TRNT1: variants seen among roughly 807,000 people sequenced by gnomAD.
TRNT1 encodes tRNA nucleotidyl transferase 1, also known as CCA tRNA nucleotidyltransferase 1, mitochondrial.
In TRNT1, 44 loss-of-function variants were observed where a neutral mutation model predicts 45.6. That is an observed-to-expected ratio of 0.97 (90% confidence interval 0.76 to 1.24). TRNT1 has a LOEUF of 1.24. Ranked by LOEUF, TRNT1 falls within the 50% of genes most tolerant of loss-of-function variation. The pLI is 0.00. For missense variants in TRNT1, 633 were observed against 504.4 expected, an observed-to-expected ratio of 1.25 and a Z score of -2.44; for synonymous variants, 201 against 171.4, an observed-to-expected ratio of 1.17 and a Z score of -1.35.
chr3:3,150,813 G>C, downstream of TRNT1: 2 of 1,553,510 alleles, frequency 1.3e-6, no homozygotes, highest in Non-Finnish European at 8.8e-7. Context: ...TTCCAAAGCA[G>C]ATCTTAGAAT....
intron 3 of TRNT1, among the ~76,000 whole-genome samples, 189 bp from the exon 4 acceptor site, chr3:3,140,321 A>G (rs1410604153): frequency 6.6e-6 from 1 of 152,058 alleles, no homozygotes. Flanking sequence ...CAGTCTTTTG[A>G]TCTGTTTTTG....
chr3:3,145,663 C>G (rs1705961761), intron 5 of TRNT1: 1 of 152,054 alleles, frequency 6.6e-6, no homozygotes, highest in Admixed American at 6.6e-5. Flanking sequence ...TCATTTTTCA[C>G]TGGTTGGGAT....
chr3:3,152,522 G>C (rs774342557), downstream of TRNT1: 1 of 1,613,880 alleles, frequency 6.2e-7, no homozygotes, highest in East Asian at 2.2e-5. Context: ...CTTATACACA[G>C]TAAGTGTCTC....
At chr3:3,130,097 T>C in intron 2 of TRNT1, 1 of 852,512 alleles carries the variant, frequency 1.2e-6, no homozygotes, top group Non-Finnish European at 1.8e-6. Flanking sequence ...CTGATGTTGC[T>C]AAAGCAGCCA....
chr3:3,140,645 T>C lies in TRNT1; in HGVS notation c.478T>C (p.Leu160=), dbSNP rs370551439. The stretch of plus-strand genomic sequence containing the variant: ...AGATCTCACTATAAATTCTATGTTT[T>C]TAGGTAATATTTGCAGATAAAACCA... ...RRDLTINSMF[L]GFDGTLFDYF... The change falls in exon 4 of 8, where the codon TTA becomes CTA. Residue 160 remains leucine, a synonymous_variant. Coordinates refer to ENST00000251607, the MANE Select transcript of TRNT1 (RefSeq NM_182916.3). The C allele has an allele frequency of 3.7e-6, 6 of 1,613,702 alleles. No homozygotes were observed. The highest frequency in any genetic ancestry group is 1.3e-5 in the African/African-American group (1 of 75,042).
intron 2 of TRNT1, among the ~76,000 whole-genome samples, chr3:3,134,683 A>C (rs1000876521): frequency 1.3e-5 from 2 of 152,128 alleles, no homozygotes; most frequent in African/African-American, 2.4e-5. Context: ...AAGAAAACTT[A>C]AAAAAACCCA....
At chr3:3,152,522 G>T (rs774342557), downstream of TRNT1, 1 of 1,613,878 alleles carries the variant, frequency 6.2e-7, no homozygotes, top group South Asian at 1.1e-5. Context: ...CTTATACACA[G>T]TAAGTGTCTC....
At chr3:3,128,598 CAAAA>C (rs111647168) in intron 1 of TRNT1, among the ~76,000 whole-genome samples, 5 of 96,106 alleles carry the variant, frequency 5.2e-5, no homozygotes, top group African/African-American at 2.5e-4. Context: ...GACTCCATCT[CAAAA>C]AAAAAAAAAA....
intron 3 of TRNT1, among the ~76,000 whole-genome samples, chr3:3,137,970 C>T (rs2126018577): frequency 6.6e-6 from 1 of 152,256 alleles, no homozygotes; most frequent in Admixed American, 6.5e-5. Flanking sequence ...ATAAGCTTTC[C>T]ATATACTACC....
intron 1 of TRNT1, among the ~76,000 whole-genome samples, chr3:3,128,263 C>G (rs1464211187): frequency 6.6e-6 from 1 of 152,038 alleles, no homozygotes; most frequent in Non-Finnish European, 1.5e-5. Flanking sequence ...TTCCTCAGAT[C>G]CCCAGTAAAA....
chr3:3,134,598 T>C (rs1000046424), intron 2 of TRNT1, among the ~76,000 whole-genome samples: 8 of 152,182 alleles, frequency 5.3e-5, no homozygotes, highest in African/African-American at 1.9e-4. Flanking sequence ...TCCCACTGTT[T>C]ATAGTAAGTT....
chr3:3,137,173 A>T (rs1351838786), intron 2 of TRNT1, 87 bp from the exon 3 acceptor site: 5 of 1,083,152 alleles, frequency 4.6e-6, no homozygotes, highest in Non-Finnish European at 6.5e-6. Flanking sequence ...TTCCAACTAG[A>T]TGGAAAAGCC....
intron 2 of TRNT1, among the ~76,000 whole-genome samples, chr3:3,135,557 A>G (rs1451586480): frequency 6.6e-6 from 1 of 152,216 alleles, no homozygotes; most frequent in Non-Finnish European, 1.5e-5. Context: ...TGGAAAAGAT[A>G]TCCTTAATTA....
At chr3:3,135,815 CA>C (rs1441068114) in intron 2 of TRNT1, among the ~76,000 whole-genome samples, 1 of 152,106 alleles carries the variant, frequency 6.6e-6, no homozygotes. Context: ...AACAGGGACA[CA>C]AGTTGGGTTG....
intron 2 of TRNT1, chr3:3,129,409 G>A (rs1299901838): frequency 2.1e-5 from 10 of 484,962 alleles, no homozygotes; most frequent in East Asian, 3.8e-5. Context: ...TGTGAGCCAC[G>A]GTGCCCAATG....
intron 4 of TRNT1, among the ~76,000 whole-genome samples, chr3:3,140,938 C>T (rs983612632): frequency 2.6e-5 from 4 of 152,138 alleles, no homozygotes; most frequent in Admixed American, 2.6e-4. Context: ...AAAAATTAGC[C>T]GGGCGTGGTG....
At chr3:3,134,729 T>C (rs62228612) in intron 2 of TRNT1, among the ~76,000 whole-genome samples, 10,341 of 152,150 alleles carry the variant, frequency 0.068, 670 homozygotes, top group African/African-American at 0.17. Flanking sequence ...TTTTTAATAG[T>C]TAGAATATCA....
intron 3 of TRNT1, among the ~76,000 whole-genome samples, chr3:3,139,760 C>T (rs868345284): frequency 2.0e-5 from 3 of 152,338 alleles, no homozygotes; most frequent in Admixed American, 2.0e-4. Flanking sequence ...CAGGGTCTCA[C>T]TCTGTTGCCT....
Position 3,137,283 on chromosome 3 carries a change from G to A in TRNT1, c.172G>A (p.Glu58Lys), listed in dbSNP as rs768028459. The A allele has an allele frequency of 5.0e-6, 8 of 1,591,846 alleles. No individual in the cohort carries two copies. The highest frequency in any genetic ancestry group is 1.8e-5 in the Admixed American group (1 of 54,064). Residue 58 changes from glutamate to lysine, a missense_variant, in exon 3 of 8, where the codon GAA (glutamate) becomes AAA (lysine). Physicochemically the swap from Glu to Lys is moderately conservative, Grantham distance 56. Transcript: ENST00000251607. Reference protein sequence around the residue: ...LTELFVKENHELRIAGGAVRD... With the variant: ...LTELFVKENHKLRIAGGAVRD... Reference sequence around the variant, plus strand: ...AGAATTATTTGTCAAAGAGAATCACGAATTAAGAATAGCAGGAGGAGCAGT... The same window carrying A: ...AGAATTATTTGTCAAAGAGAATCACAAATTAAGAATAGCAGGAGGAGCAGT...
Sources: allele counts gnomAD v4.1 joint callset (sites outside exome capture counted in the v4.1 genomes callset), GRCh38; gene constraint gnomAD v4.1.1; transcripts MANE v1.5; gene names NCBI Gene and HGNC (gene_info 2026-07-23, HGNC 2026-07-21).